Variants in WWOX observed in about 807,000 individuals in gnomAD.
WWOX encodes WW domain containing oxidoreductase.
WWOX carries 69 observed loss-of-function variants against 46.2 expected under a neutral mutation model. The ratio of observed to expected loss-of-function variants is 1.49; its 90% CI spans 1.23 to 1.82. The LOEUF (loss-of-function observed/expected upper bound fraction) is 1.82, where lower values mean the gene tolerates loss of function less well. Ranked by LOEUF, WWOX falls within the 40% of genes most tolerant of loss-of-function variation. The probability of loss-of-function intolerance (pLI) is 0.00; values close to 1 mark genes in which losing one functional copy is unlikely to be tolerated. For synonymous variants in WWOX, 359 were observed against 202.6 expected (o/e 1.77, Z -6.56); for missense variants, 919 against 542.6 (o/e 1.69, Z -6.89).
intron 8 of WWOX, among the ~76,000 whole-genome samples, chr16:78,454,357 CGTGTGTGTGT>C (rs35670260): frequency 5.8e-4 from 85 of 146,940 alleles, no homozygotes; most frequent in African/African-American, 1.0e-3. Context: ...TATGTATATT[CGTGTGTGTGT>C]GTGTGTGTGT....
chr16:79,024,347 C>T (rs1055262080), intron 8 of WWOX, among the ~76,000 whole-genome samples: 5 of 152,304 alleles, frequency 3.3e-5, no homozygotes, highest in Admixed American at 3.3e-4. Context: ...CAGCCTCAAA[C>T]TCCTAAGGTG....
intron 8 of WWOX, among the ~76,000 whole-genome samples, chr16:79,012,487 A>G (rs925024978): frequency 5.9e-5 from 9 of 152,210 alleles, no homozygotes; most frequent in Admixed American, 5.9e-4. Flanking sequence ...TGCCCACCTT[A>G]GCCTCCTAAA....
intron 8 of WWOX, among the ~76,000 whole-genome samples, chr16:78,505,893 C>G (rs775863877): frequency 2.0e-5 from 3 of 152,154 alleles, no homozygotes; most frequent in Non-Finnish European, 2.9e-5. Flanking sequence ...CTTTCTCTCC[C>G]TAATCATGAG....
intron 8 of WWOX, among the ~76,000 whole-genome samples, chr16:78,598,940 T>G (rs766629783): frequency 6.6e-6 from 1 of 152,204 alleles, no homozygotes; most frequent in Non-Finnish European, 1.5e-5. Context: ...ACAGGGAAAC[T>G]GAAGCACAGG....
chr16:78,853,662 G>A (rs919099720), intron 8 of WWOX, among the ~76,000 whole-genome samples: 5 of 152,132 alleles, frequency 3.3e-5, no homozygotes, highest in African/African-American at 9.6e-5. Flanking sequence ...GAAGAGGGGC[G>A]GATAAATACT....
chr16:78,309,809 C>A (rs979366623), intron 5 of WWOX, among the ~76,000 whole-genome samples: 1 of 152,146 alleles, frequency 6.6e-6, no homozygotes, highest in Non-Finnish European at 1.5e-5. Context: ...GTCTTGTGGT[C>A]CTGAAGTCTA....
chr16:78,870,480 G>C (rs1231459581), intron 8 of WWOX, among the ~76,000 whole-genome samples: 1 of 151,704 alleles, frequency 6.6e-6, no homozygotes, highest in African/African-American at 2.4e-5. Context: ...TCAAGATTCA[G>C]AGCTCATTTT....
intron 8 of WWOX, among the ~76,000 whole-genome samples, chr16:78,632,964 G>A (rs1194641813): frequency 6.6e-6 from 1 of 152,052 alleles, no homozygotes; most frequent in Non-Finnish European, 1.5e-5. Flanking sequence ...CCATTTTACA[G>A]ATGAAGAAGT....
At chr16:78,313,754 T>C (rs1350592885) in intron 5 of WWOX, among the ~76,000 whole-genome samples, 1 of 152,222 alleles carries the variant, frequency 6.6e-6, no homozygotes, top group African/African-American at 2.4e-5. Flanking sequence ...GTCTACATTT[T>C]GAGGCTCTTC....
chr16:78,836,550 G>T (rs1404662797), intron 8 of WWOX, among the ~76,000 whole-genome samples: 2 of 152,132 alleles, frequency 1.3e-5, no homozygotes, highest in Non-Finnish European at 2.9e-5. Flanking sequence ...TATGTTGTTT[G>T]GGAGGAAAGA....
At chr16:79,205,052 T>A (rs2051462633) in intron 8 of WWOX, 1 of 152,194 alleles carries the variant, frequency 6.6e-6, no homozygotes, top group Non-Finnish European at 1.5e-5. Flanking sequence ...GGCATCATAT[T>A]TGGGATGGCT....
chr16:78,823,906 G>A (rs1157109032), intron 8 of WWOX, among the ~76,000 whole-genome samples: 1 of 151,856 alleles, frequency 6.6e-6, no homozygotes, highest in Non-Finnish European at 1.5e-5. Context: ...CTCCCAAGTA[G>A]CTAGGACTAC....
chr16:78,816,502 CTTTTTTT>C (rs55814418), intron 8 of WWOX, among the ~76,000 whole-genome samples: 134 of 42,080 alleles, frequency 3.2e-3, no homozygotes, highest in Non-Finnish European at 4.2e-3. Context: ...AGGAGCCACT[CTTTTTTT>C]TTTTTTTTTT....
At chr16:78,763,136 G>A (rs1200356736) in intron 8 of WWOX, among the ~76,000 whole-genome samples, 1 of 152,222 alleles carries the variant, frequency 6.6e-6, no homozygotes. Context: ...ATAGGGAGCT[G>A]AAGTACTGAA....
At chr16:78,441,131 C>T (rs11862866) in intron 8 of WWOX, among the ~76,000 whole-genome samples, 12,374 of 151,824 alleles carry the variant, frequency 0.082, 905 homozygotes, top group African/African-American at 0.19. Flanking sequence ...TTAGTAGAGA[C>T]GGGATTTCAA....
chr16:78,350,608 T>G lies in WWOX; in HGVS notation c.517-36252T>G, dbSNP rs555036367. The stretch of plus-strand genomic sequence containing the variant: ...ACACTTAGCATCATGTTTTCAAGGG[T>G]CATTCATGTTGTAGCATGTATCAGT... On this transcript the variant is annotated intron_variant, in intron 5 of 8. Transcript: ENST00000566780. Among the ~76,000 whole-genome samples, 5 of 121,284 alleles carry G rather than the reference T, an allele frequency of 4.1e-5. 1 individual carries two copies. Among genetic ancestry groups the G allele is most frequent in the African/African-American group, 1.4e-4 (5 of 35,812 alleles). 79.6% of individuals were successfully genotyped at this position (121,284 alleles called of 152,430 possible).
At chr16:78,471,586 C>G (rs1031373376) in intron 8 of WWOX, among the ~76,000 whole-genome samples, 1 of 152,182 alleles carries the variant, frequency 6.6e-6, no homozygotes, top group African/African-American at 2.4e-5. Flanking sequence ...AGTTGAATGT[C>G]TTGCCTTTTC....
chr16:78,557,442 G>A (rs1385096622), intron 8 of WWOX, among the ~76,000 whole-genome samples: 1 of 152,236 alleles, frequency 6.6e-6, no homozygotes, highest in African/African-American at 2.4e-5. Context: ...CATTCTAGGT[G>A]TTGGGGATAC....
chr16:78,751,968 G>A (rs1395654262), intron 8 of WWOX, among the ~76,000 whole-genome samples: 1 of 151,556 alleles, frequency 6.6e-6, no homozygotes, highest in African/African-American at 2.4e-5. Context: ...GAAGTGGGCT[G>A]CCACAATACT....
Sources: allele counts gnomAD v4.1 joint callset (sites outside exome capture counted in the v4.1 genomes callset), GRCh38; gene constraint gnomAD v4.1.1; transcripts MANE v1.5; gene names NCBI Gene and HGNC (gene_info 2026-07-23, HGNC 2026-07-21).